Variants in PRKD1 observed in about 807,000 individuals in gnomAD.
The protein encoded by PRKD1 is serine/threonine-protein kinase D1.
In PRKD1, 63 loss-of-function variants were observed where a neutral mutation model predicts 95.9. The observed-to-expected ratio is 0.66, with a 90% confidence interval of 0.54 to 0.81. PRKD1 has a LOEUF of 0.81. PRKD1 is among the 30% of genes least tolerant of loss of function. The pLI, the probability that PRKD1 is intolerant of heterozygous loss-of-function variation, is 0.00. For synonymous variants in PRKD1, 425 were observed against 423.1 expected (o/e 1.00, Z -0.05); for missense variants, 1,048 against 1,165.3 (o/e 0.90, Z 1.47).
intron 4 of PRKD1, among the ~76,000 whole-genome samples, chr14:29,654,724 T>A (rs562551335): frequency 4.1e-4 from 62 of 152,316 alleles, no homozygotes; most frequent in African/African-American, 1.3e-3. Context: ...TGCATACTTG[T>A]GCACCTCAGG....
chr14:29,907,718 G>A (rs1020750174), intron 1 of PRKD1, among the ~76,000 whole-genome samples: 6 of 152,250 alleles, frequency 3.9e-5, no homozygotes, highest in Admixed American at 2.6e-4. Context: ...AAACATGGAC[G>A]TGTCAAAGAT....
chr14:29,720,062 T>G (rs944258071), intron 2 of PRKD1, among the ~76,000 whole-genome samples: 2 of 152,226 alleles, frequency 1.3e-5, no homozygotes, highest in Non-Finnish European at 2.9e-5. Flanking sequence ...GATTCCCTTT[T>G]GCGGTATGTT....
At chr14:29,769,024 A>C (rs767555772) in intron 1 of PRKD1, among the ~76,000 whole-genome samples, 2 of 152,146 alleles carry the variant, frequency 1.3e-5, no homozygotes, top group Non-Finnish European at 2.9e-5. Flanking sequence ...AACAGAGCCA[A>C]ATGTTAGCCT....
rs764391627 is a variant in PRKD1 at position 29,632,858 on chromosome 14, C to T, written c.1392+11G>A. On this transcript the variant is annotated intron_variant, in intron 9 of 17. Coordinates refer to ENST00000331968, the MANE Select transcript of PRKD1 (RefSeq NM_002742.3). ...GAGGTATGAAACTACAAAGAAAGAGCCCACTCTTACCTTGTAGTACCTGCT... is the reference window on the plus strand; with the variant it reads ...GAGGTATGAAACTACAAAGAAAGAGTCCACTCTTACCTTGTAGTACCTGCT... The T allele has an allele frequency of 6.3e-6, 10 of 1,595,856 alleles. No individual in the cohort carries two copies. In the South Asian group the frequency reaches 1.1e-4, roughly 18 times the overall value.
rs750166565 is a variant in PRKD1, at chr14:29,622,646, G to A, written c.1905+1506C>T. Among the ~76,000 whole-genome samples the A allele has an allele frequency of 1.7e-4, 26 of 151,966 alleles. 1 individual carries two copies. The highest frequency in any genetic ancestry group is 7.8e-4 in the East Asian group (4 of 5,152). On this transcript the variant is annotated intron_variant, in intron 13 of 17. Transcript: ENST00000331968. ...TCAAACTCCCGACCTCAGGTGATCC[G>A]CCCTCCTCCGCCTACCAAAATGCTA...
intron 1 of PRKD1, among the ~76,000 whole-genome samples, chr14:29,753,736 T>G (rs1887578425): frequency 6.6e-6 from 1 of 152,182 alleles, no homozygotes; most frequent in Admixed American, 6.6e-5. Flanking sequence ...CCTTTTTAGC[T>G]TTTGGAATGT....
intron 2 of PRKD1, among the ~76,000 whole-genome samples, chr14:29,712,987 T>C (rs1232572563): frequency 6.6e-6 from 1 of 152,172 alleles, no homozygotes; most frequent in Non-Finnish European, 1.5e-5. Context: ...AGCCATTTAG[T>C]AGCCATTCTC....
intron 1 of PRKD1, among the ~76,000 whole-genome samples, chr14:29,851,589 C>G (rs1186888796): frequency 6.6e-6 from 1 of 152,102 alleles, no homozygotes; most frequent in Non-Finnish European, 1.5e-5. Context: ...ATAACAGATG[C>G]TAACAAGTCT....
intron 1 of PRKD1, among the ~76,000 whole-genome samples, chr14:29,741,497 T>C (rs546039243): frequency 2.0e-5 from 3 of 152,348 alleles, no homozygotes; most frequent in Admixed American, 6.5e-5. Flanking sequence ...GTAATTACTA[T>C]TGGCCCAGAC....
At chr14:29,588,790 TTGTGTGTG>T (rs34773417) in intron 16 of PRKD1, among the ~76,000 whole-genome samples, 39,290 of 145,308 alleles carry the variant, frequency 0.27, 6,164 homozygotes, top group Non-Finnish European at 0.37. Context: ...ATTCCTAAAG[TTGTGTGTG>T]TGTGTGTGTG....
At chr14:29,602,427 C>CTTTTTTTTTTTTTTTTTTTTTTTTT (rs11331211) in intron 13 of PRKD1, among the ~76,000 whole-genome samples, 1 of 131,438 alleles carries the variant, frequency 7.6e-6, no homozygotes, top group Non-Finnish European at 1.6e-5. Context: ...CTGTATTCCT[C>CTTTTTTTTTTTTTTTTTTTTTTTTT]TTTTTTTTTT....
intron 13 of PRKD1, among the ~76,000 whole-genome samples, chr14:29,615,936 G>A (rs1878823798): frequency 6.6e-6 from 1 of 152,256 alleles, no homozygotes; most frequent in East Asian, 1.9e-4. Flanking sequence ...TCGGGTGAGG[G>A]CAGTACAGCA....
At chr14:29,676,590 T>C (rs1455848250) in intron 2 of PRKD1, among the ~76,000 whole-genome samples, 1 of 152,170 alleles carries the variant, frequency 6.6e-6, no homozygotes, top group African/African-American at 2.4e-5. Context: ...CCTGACCTCG[T>C]GATCTGCCCG....
In PRKD1 at chr14:29,764,037, T is replaced by G. The variant is rs572690763; in HGVS notation, c.265-38363A>C. 2.6e-5 allele frequency among the ~76,000 whole-genome samples: 4 copies of G among 151,054 alleles called. No individual in the cohort carries two copies. In the South Asian group the frequency reaches 8.4e-4, roughly 32 times the overall value. Reference sequence around the variant, plus strand: ...TACGTAAGTGTGTGTATATAGAGAGTTTTTTTTTCTTTTACAATAATACTT... The same window carrying G: ...TACGTAAGTGTGTGTATATAGAGAGGTTTTTTTTCTTTTACAATAATACTT... On this transcript the variant is annotated intron_variant, in intron 1 of 17. Coordinates refer to ENST00000331968, the MANE Select transcript of PRKD1 (RefSeq NM_002742.3).
intron 15 of PRKD1, among the ~76,000 whole-genome samples, chr14:29,598,356 C>T (rs1338523627): frequency 3.3e-5 from 5 of 151,450 alleles, no homozygotes; most frequent in Non-Finnish European, 5.9e-5. Flanking sequence ...CAGTCTCCCT[C>T]CTCCAAAAAC....
chr14:29,856,812 A>G (rs1566639277), intron 1 of PRKD1, among the ~76,000 whole-genome samples: 1 of 152,072 alleles, frequency 6.6e-6, no homozygotes, highest in Non-Finnish European at 1.5e-5. Context: ...CTCCACTGGA[A>G]CTCCTGCTCC....
chr14:29,593,975 T>C, intron 16 of PRKD1: 1 of 325,702 alleles, frequency 3.1e-6, no homozygotes, highest in Non-Finnish European at 6.0e-6. Context: ...CAATGTATAG[T>C]GTAAAGAATG....
intron 13 of PRKD1, among the ~76,000 whole-genome samples, chr14:29,618,613 T>A (rs1879032155): frequency 6.6e-6 from 1 of 152,150 alleles, no homozygotes; most frequent in Non-Finnish European, 1.5e-5. Flanking sequence ...TATTTACAGA[T>A]AATGAAAATA....
intron 1 of PRKD1, among the ~76,000 whole-genome samples, chr14:29,862,202 G>A (rs937042583): frequency 1.3e-4 from 20 of 152,134 alleles, no homozygotes; most frequent in Admixed American, 9.8e-4. Flanking sequence ...TGTTCCAAAT[G>A]ACTAAATCTC....
Sources: gnomAD v4.1 joint callset for allele counts (sites outside exome capture counted in the v4.1 genomes callset) on GRCh38, gnomAD v4.1.1 for gene constraint, MANE v1.5 for transcripts, NCBI Gene and HGNC (gene_info 2026-07-23, HGNC 2026-07-21) for gene names.